HORMAD2: variants seen among roughly 807,000 people sequenced by gnomAD.
HORMAD2 encodes HORMA domain containing 2, also known as HORMA domain-containing protein 2.
A neutral mutation model predicts 38.8 loss-of-function variants in HORMAD2; 45 were observed. The observed-to-expected ratio is 1.16, with a 90% CI of 0.91 to 1.49. HORMAD2 has a LOEUF of 1.49. HORMAD2 is among the 40% of genes most tolerant of loss of function. The probability of loss-of-function intolerance (pLI) is 0.00; values close to 1 mark genes in which losing one functional copy is unlikely to be tolerated. For missense variants in HORMAD2, 338 were observed against 367.0 expected (o/e 0.92, Z 0.65); for synonymous variants, 126 against 122.8 (o/e 1.03, Z -0.17).
chr22:30,164,653 G>T (rs972000365), intron 10 of HORMAD2, among the ~76,000 whole-genome samples: 1 of 151,882 alleles, frequency 6.6e-6, no homozygotes, highest in African/African-American at 2.4e-5. Context: ...GATTTTGTTT[G>T]TTTTTTTGCT....
chr22:30,186,005 T>C, the HORMAD2 span, among the ~76,000 whole-genome samples: 1 of 143,340 alleles, frequency 7.0e-6, no homozygotes, highest in African/African-American at 2.4e-5. Context: ...TGTGTTTTTC[T>C]TGGGGGGGGA....
the HORMAD2 span, among the ~76,000 whole-genome samples, chr22:30,199,722 T>G: frequency 2.0e-5 from 3 of 152,134 alleles, no homozygotes; most frequent in Admixed American, 2.0e-4. Context: ...TCATGAGACA[T>G]GAATTTTTTT....
chr22:30,150,182 C>A (rs992425693), intron 10 of HORMAD2, among the ~76,000 whole-genome samples: 1 of 151,932 alleles, frequency 6.6e-6, no homozygotes, highest in Admixed American at 6.6e-5. Flanking sequence ...TACTGGATTC[C>A]CTGTTCAGGT....
At chr22:30,107,061 A>C in intron 5 of HORMAD2, among the ~76,000 whole-genome samples, 1 of 152,228 alleles carries the variant, frequency 6.6e-6, no homozygotes, top group East Asian at 1.9e-4. Context: ...TGTATGTGTT[A>C]AACATTCATT....
At chr22:30,116,010 A>C (rs1444152509) in intron 7 of HORMAD2, among the ~76,000 whole-genome samples, 1 of 152,226 alleles carries the variant, frequency 6.6e-6, no homozygotes, top group African/African-American at 2.4e-5. Flanking sequence ...TAGCTACATC[A>C]ATAATGAGAC....
the HORMAD2 span, among the ~76,000 whole-genome samples, chr22:30,192,818 G>T: frequency 6.6e-6 from 1 of 152,174 alleles, no homozygotes; most frequent in African/African-American, 2.4e-5. Flanking sequence ...TGTGGTCTGT[G>T]TAAGTCAACA....
intron 6 of HORMAD2, among the ~76,000 whole-genome samples, chr22:30,112,063 T>A (rs917662115): frequency 6.6e-6 from 1 of 152,140 alleles, no homozygotes; most frequent in African/African-American, 2.4e-5. Context: ...CTCAGGATTT[T>A]ATTTTTTTAG....
intron 2 of HORMAD2, among the ~76,000 whole-genome samples, chr22:30,096,181 A>C (rs549046732): frequency 6.6e-6 from 1 of 152,172 alleles, no homozygotes; most frequent in South Asian, 2.1e-4. Flanking sequence ...TATTTATTCT[A>C]CTGTTGATGA....
chr22:30,084,631 T>A (rs1298651198), intron 1 of HORMAD2, among the ~76,000 whole-genome samples: 1 of 152,100 alleles, frequency 6.6e-6, no homozygotes, highest in Non-Finnish European at 1.5e-5. Flanking sequence ...GTTAGGTTTT[T>A]AATTTTTTTT....
In HORMAD2 at chr22:30,176,113, G is replaced by C; in HGVS notation, c.870G>C (p.Arg290Ser). Reference sequence around the variant, plus strand: ...GTCAGCAAAGTTCTGAGTGCTCCAGGAAGAAGAGGAAGGTCAGTGAACCAG... The same window carrying C: ...GTCAGCAAAGTTCTGAGTGCTCCAGCAAGAAGAGGAAGGTCAGTGAACCAG... ...VCSQQSSECS[R>S]KKRKVSEPVK... Residue 290 changes from arginine (R) to serine (S), a missense_variant, in exon 11 of 11, where the codon AGG becomes AGC. Arg to Ser is a moderately radical substitution (Grantham distance 110). Transcript: ENST00000336726. The C allele has an allele frequency of 6.2e-7, 1 of 1,613,374 alleles. No individual in the cohort carries two copies. The highest frequency in any genetic ancestry group is 1.1e-5 in the South Asian group (1 of 91,068).
In HORMAD2 at chr22:30,094,413, G is replaced by A. The variant is rs555514449; in HGVS notation, c.51+410G>A. 9.9e-5 allele frequency among the ~76,000 whole-genome samples: 15 copies of A among 152,242 alleles called. No homozygotes were observed. In the South Asian group the frequency reaches 2.9e-3, roughly 29 times the overall value. On this transcript the variant is annotated intron_variant, in intron 2 of 10. Transcript: ENST00000336726. ...AAACTTGGATGCTAGGAGGTCTAGG[G>A]GAGCATCCCAGGGCCAGGCATATAG... is the stretch of plus-strand genomic sequence containing the variant.
intron 5 of HORMAD2, among the ~76,000 whole-genome samples, chr22:30,109,034 T>G: frequency 6.6e-6 from 1 of 150,454 alleles, no homozygotes. Context: ...CTTCCTTTCT[T>G]CTTTTTTTTT....
intron 10 of HORMAD2, among the ~76,000 whole-genome samples, chr22:30,174,674 A>G (rs147395335): frequency 7.2e-5 from 11 of 152,288 alleles, no homozygotes; most frequent in Admixed American, 6.5e-4. Flanking sequence ...CTCTTCTTTC[A>G]TGTGTACCCA....
In HORMAD2 at chr22:30,176,800, A is replaced by G. The variant is rs1926484417; in HGVS notation, c.*633A>G. 1.3e-5 allele frequency: 2 copies of G among 152,798 alleles called. No homozygotes were observed. Among genetic ancestry groups the G allele is most frequent in the African/African-American group, 2.4e-5 (1 of 41,462 alleles). 9.5% of individuals were successfully genotyped at this position (152,798 alleles called of 1,614,324 possible). On this transcript the variant is annotated 3_prime_UTR_variant, in exon 11 of 11. Coordinates refer to ENST00000336726, the MANE Select transcript of HORMAD2 (RefSeq NM_152510.4). The stretch of plus-strand genomic sequence containing the variant: ...GTCTGGCTCTCTTCTTAAGACCTAT[A>G]TTAAATATTTCCCAAGAAGCACTTC...
intron 10 of HORMAD2, among the ~76,000 whole-genome samples, chr22:30,168,758 A>G (rs891397840): frequency 6.6e-6 from 1 of 152,002 alleles, no homozygotes; most frequent in African/African-American, 2.4e-5. Context: ...CTCTAACTTC[A>G]CTGCGGCTTT....
chr22:30,146,850 T>C (rs1242935546), intron 10 of HORMAD2, among the ~76,000 whole-genome samples: 1 of 152,182 alleles, frequency 6.6e-6, no homozygotes, highest in Non-Finnish European at 1.5e-5. Flanking sequence ...CATGAATTTA[T>C]CAAGGTCACA....
At chr22:30,085,516 G>A (rs1430890632) in intron 1 of HORMAD2, among the ~76,000 whole-genome samples, 2 of 152,160 alleles carry the variant, frequency 1.3e-5, no homozygotes, top group Non-Finnish European at 2.9e-5. Context: ...CACTTTGGGA[G>A]GCCAAAGTGG....
chr22:30,171,557 T>C (rs761577784), intron 10 of HORMAD2, among the ~76,000 whole-genome samples: 1 of 152,184 alleles, frequency 6.6e-6, no homozygotes, highest in Non-Finnish European at 1.5e-5. Flanking sequence ...TCTACCACTA[T>C]AACAGACTCA....
intron 7 of HORMAD2, among the ~76,000 whole-genome samples, chr22:30,112,729 A>C (rs1685099259): frequency 6.6e-6 from 1 of 152,112 alleles, no homozygotes. Context: ...ATTGGGGAAA[A>C]AAGGCATTGA....
Sources: gnomAD v4.1 joint callset for allele counts (sites outside exome capture counted in the v4.1 genomes callset) on GRCh38, gnomAD v4.1.1 for gene constraint, MANE v1.5 for transcripts, NCBI Gene and HGNC (gene_info 2026-07-23, HGNC 2026-07-21) for gene names.